The following FMN2 variants were observed in gnomAD, a reference collection of about 807,000 sequenced individuals.
The protein encoded by FMN2 is formin-2.
A neutral mutation model predicts 142.3 loss-of-function variants in FMN2; 51 were observed. The observed-to-expected ratio is 0.36, with a 90% CI of 0.29 to 0.45. The LOEUF (loss-of-function observed/expected upper bound fraction) is 0.45, where lower values mean the gene tolerates loss of function less well. Ranked by LOEUF, FMN2 falls within the 20% of genes least tolerant of loss-of-function variation. FMN2 has a pLI of 1.00. For missense variants in FMN2, 1,936 were observed against 2,122.8 expected (o/e 0.91, Z 1.73); for synonymous variants, 882 against 869.8 (o/e 1.01, Z -0.25).
intron 15 of FMN2, among the ~76,000 whole-genome samples, chr1:240,426,478 G>A (rs1674939311): frequency 6.6e-6 from 1 of 152,098 alleles, no homozygotes. Flanking sequence ...AATGTTGTGT[G>A]TATATGCACT....
rs938918747 is a variant in FMN2 at position 240,207,448 on chromosome 1, C to T, written c.2636C>T (p.Pro879Leu). Residue 879 changes from proline to leucine, a missense_variant, in exon 5 of 18, where the codon CCA becomes CTA. Pro to Leu is a moderately conservative substitution (Grantham distance 98). This residue lies in a region of FMN2 where 478 missense variants were observed against 462.8 expected (regional missense o/e 1.03). Transcript: ENST00000319653. ...CCTGGCCTGGGCATGGTGCCTCCCC[C>T]ACCTCCCCCTCTCCCTGGCATGACA... Reference protein sequence around the residue: ...SMPGLGMVPPPPPPLPGMTVP... With the variant: ...SMPGLGMVPPLPPPLPGMTVP... 1.2e-6 allele frequency: 2 copies of T among 1,613,484 alleles called. No homozygotes were observed. The highest frequency in any genetic ancestry group is 1.7e-6 in the Non-Finnish European group (2 of 1,179,764).
intron 4 of FMN2, among the ~76,000 whole-genome samples, chr1:240,193,842 A>G (rs1359036282): frequency 6.6e-6 from 1 of 152,086 alleles, no homozygotes; most frequent in African/African-American, 2.4e-5. Context: ...CTAAAATCCA[A>G]ATTTGCTGAT....
intron 7 of FMN2, among the ~76,000 whole-genome samples, chr1:240,278,034 C>T (rs1248611475): frequency 6.6e-6 from 1 of 152,144 alleles, no homozygotes; most frequent in African/African-American, 2.4e-5. Context: ...ATACTTTACA[C>T]TTTTGAGATG....
At chr1:240,335,997 G>A (rs1481307222) in intron 13 of FMN2, among the ~76,000 whole-genome samples, 1 of 152,014 alleles carries the variant, frequency 6.6e-6, no homozygotes, top group Non-Finnish European at 1.5e-5. Context: ...TACAAAATTA[G>A]CCAGGCATGG....
chr1:240,359,509 G>A (rs1312689196), intron 14 of FMN2, among the ~76,000 whole-genome samples: 1 of 151,958 alleles, frequency 6.6e-6, no homozygotes, highest in Non-Finnish European at 1.5e-5. Flanking sequence ...CTGTAATTCA[G>A]CTATTGTGTG....
At chr1:240,221,058 T>TA (rs1389102207) in intron 6 of FMN2, among the ~76,000 whole-genome samples, 1 of 152,230 alleles carries the variant, frequency 6.6e-6, no homozygotes. Flanking sequence ...CATCCTTTTT[T>TA]ATGGCTGCAT....
intron 1 of FMN2, among the ~76,000 whole-genome samples, chr1:240,120,902 A>G (rs1662211304): frequency 6.6e-6 from 1 of 152,232 alleles, no homozygotes; most frequent in Admixed American, 6.5e-5. Flanking sequence ...TTACGCCCGT[A>G]ATCCCAGCAC....
intron 15 of FMN2, among the ~76,000 whole-genome samples, chr1:240,434,625 T>A (rs867625409): frequency 2.0e-5 from 3 of 151,720 alleles, no homozygotes; most frequent in East Asian, 3.9e-4. Context: ...GCAGTGACGC[T>A]ATCTCAGCTC....
intron 2 of FMN2, chr1:240,142,974 C>T (rs905826076): frequency 6.3e-6 from 10 of 1,586,312 alleles, no homozygotes; most frequent in South Asian, 1.1e-5. Flanking sequence ...AATAATGTTT[C>T]GAACATCCAG....
At chr1:240,416,288 T>G (rs989400389) in intron 15 of FMN2, among the ~76,000 whole-genome samples, 3 of 134,360 alleles carry the variant, frequency 2.2e-5, no homozygotes, top group Non-Finnish European at 4.6e-5. Flanking sequence ...TGAGACGGAG[T>G]CTTGCTCTGT....
At chr1:240,209,164 T>C (rs1218603022) in intron 5 of FMN2, among the ~76,000 whole-genome samples, 5 of 152,190 alleles carry the variant, frequency 3.3e-5, no homozygotes, top group African/African-American at 1.2e-4. Context: ...TTATTTTCCA[T>C]GTAAGAATCT....
chr1:240,373,746 G>C (rs1273245783), intron 14 of FMN2, among the ~76,000 whole-genome samples: 1 of 152,170 alleles, frequency 6.6e-6, no homozygotes, highest in Non-Finnish European at 1.5e-5. Context: ...GCCCCTGCAA[G>C]TCATCTGTGA....
At chr1:240,332,288 G>A (rs1429268927) in intron 11 of FMN2, among the ~76,000 whole-genome samples, 2 of 151,508 alleles carry the variant, frequency 1.3e-5, no homozygotes, top group African/African-American at 4.9e-5. Flanking sequence ...GAAGCCGAGT[G>A]CAATAGCATG....
At chr1:240,345,789 C>T (rs1671890997) in intron 13 of FMN2, among the ~76,000 whole-genome samples, 1 of 152,030 alleles carries the variant, frequency 6.6e-6, no homozygotes, top group Non-Finnish European at 1.5e-5. Context: ...GGCTATGGCA[C>T]TGTCTTATTA....
At position 240,338,766 on chromosome 1, in the gene FMN2, G is replaced by A. The variant is rs1247085851; in HGVS notation, c.4765+4537G>A. Among the ~76,000 whole-genome samples the A allele has an allele frequency of 2.0e-5, 3 of 152,158 alleles. No individual in the cohort carries two copies. The East Asian group carries it at 5.8e-4, about 29-fold the overall frequency. ...AGCCAGTGGGGGATGGTTTCAGGATGATTCGAGGGCATTACATTTATTGTG... is the reference window on the plus strand; with the variant it reads ...AGCCAGTGGGGGATGGTTTCAGGATAATTCGAGGGCATTACATTTATTGTG... On this transcript the variant is annotated intron_variant, in intron 13 of 17. Coordinates refer to ENST00000319653, the MANE Select transcript of FMN2 (RefSeq NM_020066.5).
chr1:240,440,041 T>C (rs1054161587), intron 16 of FMN2, among the ~76,000 whole-genome samples: 3 of 151,846 alleles, frequency 2.0e-5, no homozygotes, highest in African/African-American at 7.3e-5. Context: ...GGAGTGTAGA[T>C]GGTGTGATTT....
At chr1:240,257,610 A>G (rs772701322) in intron 6 of FMN2, among the ~76,000 whole-genome samples, 7 of 152,200 alleles carry the variant, frequency 4.6e-5, no homozygotes, top group Non-Finnish European at 7.3e-5. Context: ...GCAAATGATC[A>G]TATGTGTAAT....
intron 4 of FMN2, among the ~76,000 whole-genome samples, chr1:240,199,011 G>C (rs1353341218): frequency 6.6e-6 from 1 of 152,062 alleles, no homozygotes; most frequent in Non-Finnish European, 1.5e-5. Flanking sequence ...AGGCTGATGA[G>C]GGAGAATCGC....
chr1:240,413,347 T>C (rs1175060301), intron 15 of FMN2, among the ~76,000 whole-genome samples: 2 of 151,454 alleles, frequency 1.3e-5, no homozygotes, highest in Admixed American at 6.6e-5. Flanking sequence ...TATATACTTA[T>C]CGGTGAGGAA....
Sources: gnomAD v4.1 joint callset for allele counts (sites outside exome capture counted in the v4.1 genomes callset) on GRCh38, gnomAD v4.1.1 for gene constraint, gnomAD v4.1.1 regional missense constraint, MANE v1.5 for transcripts, NCBI Gene and HGNC (gene_info 2026-07-23, HGNC 2026-07-21) for gene names.